The following PTPRM variants were observed in gnomAD, a reference collection of about 807,000 sequenced individuals.
The protein encoded by PTPRM is receptor-type tyrosine-protein phosphatase mu.
Under a neutral mutation model 186.7 loss-of-function variants are expected in PTPRM, and 47 were observed. The ratio of observed to expected loss-of-function variants is 0.25; its 90% confidence interval spans 0.20 to 0.32. The LOEUF is 0.32. Ranked by LOEUF, PTPRM falls within the 10% of genes least tolerant of loss-of-function variation. PTPRM has a pLI of 1.00. For synonymous variants in PTPRM, 668 were observed against 674.9 expected, an observed-to-expected ratio of 0.99 and a Z score of 0.16; for missense variants, 1,494 against 1,865.0, an observed-to-expected ratio of 0.80 and a Z score of 3.66.
At chr18:7,689,741 C>T (rs1338806447) in intron 1 of PTPRM, among the ~76,000 whole-genome samples, 1 of 152,220 alleles carries the variant, frequency 6.6e-6, no homozygotes, top group Non-Finnish European at 1.5e-5. Context: ...TGTCTGTTGA[C>T]ATGACTGCCT....
chr18:8,247,739 A>C (rs1396520057), intron 15 of PTPRM, 106 bp from the exon 16 acceptor site: 4 of 765,764 alleles, frequency 5.2e-6, no homozygotes, highest in Non-Finnish European at 9.1e-6. Context: ...TGAGTCCCGG[A>C]GTCACCGTGG....
At chr18:7,746,852 T>A (rs1464125259) in intron 1 of PTPRM, among the ~76,000 whole-genome samples, 1 of 152,136 alleles carries the variant, frequency 6.6e-6, no homozygotes, top group Non-Finnish European at 1.5e-5. Flanking sequence ...TGGCGATTGG[T>A]TCTGTGGCCA....
At chr18:7,618,274 A>G (rs1432886805) in intron 1 of PTPRM, among the ~76,000 whole-genome samples, 2 of 152,180 alleles carry the variant, frequency 1.3e-5, no homozygotes, top group African/African-American at 4.8e-5. Context: ...GTCCTGAGTT[A>G]ATGGCTTAGA....
intron 11 of PTPRM, among the ~76,000 whole-genome samples, chr18:8,100,866 C>T (rs564656649): frequency 9.8e-5 from 15 of 152,308 alleles, no homozygotes; most frequent in South Asian, 2.1e-4. Flanking sequence ...TAGTAATACA[C>T]TTAAAATTTC....
chr18:7,642,704 G>A lies in PTPRM; in HGVS notation c.73+74813G>A, dbSNP rs77826869. Among the ~76,000 whole-genome samples the A allele has an allele frequency of 3.5e-3, 536 of 152,148 alleles. 4 individuals carry two copies. The highest frequency in any genetic ancestry group is 0.012 in the African/African-American group (502 of 41,500). ...AAAGCTTACATGTTGACTTTGTTAT[G>A]TGGTCATTTGATGTGGTCGCGCTAA... is the stretch of plus-strand genomic sequence containing the variant. On this transcript the variant is annotated intron_variant, in intron 1 of 32. Transcript: ENST00000580170.
At chr18:7,850,333 C>A (rs2046802896) in intron 2 of PTPRM, among the ~76,000 whole-genome samples, 1 of 152,062 alleles carries the variant, frequency 6.6e-6, no homozygotes. Flanking sequence ...AGACCATTCT[C>A]CATTTAGAAC....
At chr18:8,260,480 C>G (rs1410862964) in intron 19 of PTPRM, among the ~76,000 whole-genome samples, 1 of 152,124 alleles carries the variant, frequency 6.6e-6, no homozygotes, top group Non-Finnish European at 1.5e-5. Context: ...TAACAACCTG[C>G]TCTTGTGGTA....
chr18:7,884,788 G>A (rs776450009), intron 2 of PTPRM, among the ~76,000 whole-genome samples: 10 of 151,792 alleles, frequency 6.6e-5, no homozygotes, highest in Non-Finnish European at 1.0e-4. Context: ...GCCAGGGATG[G>A]TGGCAGGCAC....
At chr18:8,265,401 G>A (rs912633733) in intron 19 of PTPRM, among the ~76,000 whole-genome samples, 34 of 152,222 alleles carry the variant, frequency 2.2e-4, no homozygotes, top group Non-Finnish European at 5.9e-5. Context: ...TAGATTCCAT[G>A]TGCTGCTCTC....
rs145837246 is a variant in PTPRM, at chr18:8,029,456, G to A, written c.1133-40230G>A. ...CTCCCCCACACCTGTCCTGCCTGGA[G>A]TGCCCTCTCCTCATGCTTGCTTGGC... On this transcript the variant is annotated intron_variant, in intron 7 of 32. Transcript: ENST00000580170. Among the ~76,000 whole-genome samples, 668 of 152,124 alleles carry A rather than the reference G, an allele frequency of 4.4e-3. 2 individuals carry two copies. The highest frequency in any genetic ancestry group is 0.016 in the African/African-American group (645 of 41,486).
intron 4 of PTPRM, among the ~76,000 whole-genome samples, chr18:7,909,033 G>GTACT (rs1439305900): frequency 6.6e-6 from 1 of 152,232 alleles, no homozygotes; most frequent in Non-Finnish European, 1.5e-5. Flanking sequence ...CAAGGCAGAT[G>GTACT]TACTGGGTGC....
intron 23 of PTPRM, among the ~76,000 whole-genome samples, chr18:8,343,998 T>C (rs1490248527): frequency 6.6e-6 from 1 of 152,240 alleles, no homozygotes; most frequent in Non-Finnish European, 1.5e-5. Context: ...AGCATCATCT[T>C]TCTGAAGGTC....
intron 6 of PTPRM, among the ~76,000 whole-genome samples, chr18:7,953,049 C>T (rs1336348305): frequency 6.6e-6 from 1 of 152,220 alleles, no homozygotes; most frequent in Non-Finnish European, 1.5e-5. Context: ...GCTGATTCTT[C>T]TGTAAACCAA....
At chr18:7,858,739 G>A (rs2047208034) in intron 2 of PTPRM, among the ~76,000 whole-genome samples, 1 of 152,184 alleles carries the variant, frequency 6.6e-6, no homozygotes, top group South Asian at 2.1e-4. Flanking sequence ...CTATCATAAT[G>A]GAGACTCACA....
intron 1 of PTPRM, among the ~76,000 whole-genome samples, chr18:7,575,164 T>G (rs1206076020): frequency 6.6e-6 from 1 of 152,200 alleles, no homozygotes; most frequent in Non-Finnish European, 1.5e-5. Context: ...CATTTAACAC[T>G]CCAGGTAAAT....
At chr18:7,887,476 G>T (rs1044766371) in intron 2 of PTPRM, among the ~76,000 whole-genome samples, 19 of 152,168 alleles carry the variant, frequency 1.2e-4, no homozygotes, top group Non-Finnish European at 2.5e-4. Context: ...TGGAGGTGGG[G>T]TACTGGTGCT....
intron 1 of PTPRM, among the ~76,000 whole-genome samples, chr18:7,756,744 G>A (rs1182287187): frequency 6.6e-6 from 1 of 152,158 alleles, no homozygotes; most frequent in Non-Finnish European, 1.5e-5. Flanking sequence ...GGAAACCAGT[G>A]GTCAAATTCC....
At position 8,378,525 on chromosome 18, in the gene PTPRM, G is replaced by A. The variant is rs113158949; in HGVS notation, c.3612+111G>A. The A allele has an allele frequency of 5.3e-5, 71 of 1,339,158 alleles. No homozygotes were observed. The African/African-American group carries it at 7.7e-4, about 15-fold the overall frequency. 83.0% of individuals were successfully genotyped at this position (1,339,158 alleles called of 1,614,324 possible). A position where few individuals can be genotyped will look rare whatever the true frequency, so the allele number is the denominator to read the frequency against. On this transcript the variant is annotated intron_variant, in intron 27 of 32. Coordinates refer to ENST00000580170, the MANE Select transcript of PTPRM (RefSeq NM_001105244.2). Reference sequence around the variant, plus strand: ...ATCACAAGGTTCCTTGGCCTCCATAGCACTGTTCGTATTCAGGGCTGGGTA... The same window carrying A: ...ATCACAAGGTTCCTTGGCCTCCATAACACTGTTCGTATTCAGGGCTGGGTA...
intron 13 of PTPRM, among the ~76,000 whole-genome samples, chr18:8,142,637 G>A (rs1220675897): frequency 6.6e-6 from 1 of 152,134 alleles, no homozygotes. Flanking sequence ...CAAACACTCC[G>A]ATTTAATTAC....
Sources: gnomAD v4.1 joint callset for allele counts (sites outside exome capture counted in the v4.1 genomes callset) on GRCh38, gnomAD v4.1.1 for gene constraint, MANE v1.5 for transcripts, NCBI Gene and HGNC (gene_info 2026-07-23, HGNC 2026-07-21) for gene names.